The following PIK3R6 variants were observed in gnomAD, a reference collection of about 807,000 sequenced individuals.
The protein encoded by PIK3R6 is phosphoinositide 3-kinase regulatory subunit 6.
Under a neutral mutation model 84.9 loss-of-function variants are expected in PIK3R6, and 91 were observed. The observed-to-expected ratio is 1.07, with a 90% CI of 0.90 to 1.28. The LOEUF is 1.28. PIK3R6 is among the 50% of genes most tolerant of loss of function. PIK3R6 has a pLI of 0.00. For missense variants in PIK3R6, 996 were observed against 985.1 expected, an observed-to-expected ratio of 1.01 and a Z score of -0.15; for synonymous variants, 416 against 411.4, an observed-to-expected ratio of 1.01 and a Z score of -0.13.
At position 8,837,783 on chromosome 17, in the gene PIK3R6, G is replaced by A. The variant is rs761691319; in HGVS notation, c.258+20C>T. 15 of 1,606,640 alleles carry A rather than the reference G, an allele frequency of 9.3e-6. No homozygotes were observed. The African/African-American group carries it at 9.4e-5, about 10-fold the overall frequency. ...ACATGCAGGTCACCACTACCACCTCGACCTCAGTCCCCAGCTCACCTTGGT... is the reference window on the plus strand; with the variant it reads ...ACATGCAGGTCACCACTACCACCTCAACCTCAGTCCCCAGCTCACCTTGGT... On this transcript the variant is annotated intron_variant, in intron 5 of 19. Coordinates refer to ENST00000619866, the MANE Select transcript of PIK3R6 (RefSeq NM_001010855.4).
At chr17:8,858,127 TG>T (rs1567614654) in intron 1 of PIK3R6, among the ~76,000 whole-genome samples, 1 of 152,130 alleles carries the variant, frequency 6.6e-6, no homozygotes, top group Non-Finnish European at 1.5e-5. Flanking sequence ...CACACCAGTG[TG>T]GGGGAAGAGC....
At chr17:8,819,245 G>A in intron 17 of PIK3R6, 47 bp from the exon 18 acceptor site, 1 of 1,393,168 alleles carries the variant, frequency 7.2e-7, no homozygotes, top group East Asian at 2.5e-5. Flanking sequence ...GGGAAGTAGG[G>A]GAGTTTGATA....
chr17:8,819,687 T>C (rs551598153), intron 17 of PIK3R6, among the ~76,000 whole-genome samples: 49 of 140,868 alleles, frequency 3.5e-4, no homozygotes, highest in Admixed American at 5.2e-4. Context: ...TATATATATA[T>C]ATACACACAC....
intron 1 of PIK3R6, among the ~76,000 whole-genome samples, chr17:8,866,950 A>G (rs188479532): frequency 9.8e-5 from 15 of 152,292 alleles, no homozygotes; most frequent in Admixed American, 5.2e-4. Context: ...TAGGAAGAGA[A>G]TCAGCCAGAC....
At chr17:8,864,150 T>C (rs1000845847) in intron 1 of PIK3R6, among the ~76,000 whole-genome samples, 1 of 152,212 alleles carries the variant, frequency 6.6e-6, no homozygotes, top group Admixed American at 6.5e-5. Context: ...ATACTGTCCA[T>C]TCTAGGACAG....
At chr17:8,830,382 C>T (rs1291803211) in intron 9 of PIK3R6, among the ~76,000 whole-genome samples, 2 of 152,200 alleles carry the variant, frequency 1.3e-5, no homozygotes, top group African/African-American at 2.4e-5. Flanking sequence ...CAGTGGCCCG[C>T]GGTGGTCATT....
chr17:8,820,654 A>G (rs1023735270), intron 17 of PIK3R6, among the ~76,000 whole-genome samples: 1 of 152,270 alleles, frequency 6.6e-6, no homozygotes, highest in Admixed American at 6.5e-5. Context: ...TGTCATCCAC[A>G]AATTCAACTT....
chr17:8,803,655 C>T lies in PIK3R6; in HGVS notation c.2109-226G>A, dbSNP rs1441732284. On this transcript the variant is annotated intron_variant, in intron 19 of 19. Coordinates refer to ENST00000619866, the MANE Select transcript of PIK3R6 (RefSeq NM_001010855.4). This position sits in a 1 kb window ranked among gnomAD's most constrained non-coding sequence, Gnocchi z 5.0. ...GGAGCAAGTAACTCTGCGCATGCCTCCCTTACCCAAACACACCTCCCGAGG... is the reference window on the plus strand; with the variant it reads ...GGAGCAAGTAACTCTGCGCATGCCTTCCTTACCCAAACACACCTCCCGAGG... The T allele has an allele frequency of 1.8e-6, 1 of 562,606 alleles. No individual in the cohort carries two copies. The highest frequency in any genetic ancestry group is 1.9e-5 in the African/African-American group (1 of 52,906). The allele number at this position is 562,606 out of a possible 1,614,324, so 34.9% of individuals were successfully genotyped here.
chr17:8,807,867 CG>C (rs2151172564), intron 18 of PIK3R6, among the ~76,000 whole-genome samples: 1 of 152,136 alleles, frequency 6.6e-6, no homozygotes, highest in Admixed American at 6.5e-5. Flanking sequence ...AGAGTATTGC[CG>C]GGGAGACCAG....
chr17:8,829,663 C>CA, intron 10 of PIK3R6, 43 bp downstream of exon 10: 1 of 1,525,024 alleles, frequency 6.6e-7, no homozygotes, highest in African/African-American at 1.4e-5. Context: ...CACACAGACA[C>CA]AGACATATAC....
intron 13 of PIK3R6, among the ~76,000 whole-genome samples, chr17:8,825,383 T>G (rs1031624293): frequency 1.3e-5 from 2 of 152,172 alleles, no homozygotes; most frequent in African/African-American, 4.8e-5. Context: ...AAAAGAAGAA[T>G]AATAGGGTAG....
At chr17:8,847,362 G>A (rs2088836795) in intron 2 of PIK3R6, among the ~76,000 whole-genome samples, 1 of 152,156 alleles carries the variant, frequency 6.6e-6, no homozygotes, top group Non-Finnish European at 1.5e-5. Flanking sequence ...CTGTTTGCAG[G>A]CATGGCAAAA....
At chr17:8,865,741 C>A (rs1046904995) in intron 1 of PIK3R6, among the ~76,000 whole-genome samples, 1 of 151,974 alleles carries the variant, frequency 6.6e-6, no homozygotes, top group Non-Finnish European at 1.5e-5. Flanking sequence ...AGGTCTACTT[C>A]TCAGATTCCC....
intron 17 of PIK3R6, among the ~76,000 whole-genome samples, chr17:8,819,859 C>T (rs939842310): frequency 1.4e-5 from 2 of 145,514 alleles, no homozygotes; most frequent in Non-Finnish European, 3.0e-5. Context: ...TATATATAGA[C>T]ACACATATAT....
At chr17:8,852,520 A>G (rs1208830313) in intron 1 of PIK3R6, among the ~76,000 whole-genome samples, 1 of 152,140 alleles carries the variant, frequency 6.6e-6, no homozygotes, top group Non-Finnish European at 1.5e-5. Context: ...TGGGCGGATC[A>G]TGAGGTCAAG....
intron 18 of PIK3R6, among the ~76,000 whole-genome samples, chr17:8,813,994 A>G (rs2087443979): frequency 6.6e-6 from 1 of 152,214 alleles, no homozygotes; most frequent in Non-Finnish European, 1.5e-5. Flanking sequence ...AGGCATAATA[A>G]GCAGGCTTAC....
chr17:8,863,170 A>G (rs2089321148), intron 1 of PIK3R6, among the ~76,000 whole-genome samples: 2 of 152,168 alleles, frequency 1.3e-5, no homozygotes, highest in South Asian at 4.1e-4. Context: ...CAGTGTCTAG[A>G]TATAGATACA....
At chr17:8,812,529 T>A (rs1034979328) in intron 18 of PIK3R6, among the ~76,000 whole-genome samples, 10 of 152,174 alleles carry the variant, frequency 6.6e-5, no homozygotes, top group Non-Finnish European at 1.0e-4. Context: ...ATAAATTTTT[T>A]AAAAACCTGA....
intron 2 of PIK3R6, among the ~76,000 whole-genome samples, chr17:8,840,317 ATAG>A (rs1567601721): frequency 0.024 from 3,336 of 137,490 alleles, 303 homozygotes; most frequent in Non-Finnish European, 0.036. Context: ...TGAAATATAT[ATAG>A]CCTCCAAATA....
Sources: allele counts gnomAD v4.1 joint callset (sites outside exome capture counted in the v4.1 genomes callset), GRCh38; gene constraint gnomAD v4.1.1; non-coding constraint Gnocchi (gnomAD v3.1); transcripts MANE v1.5; gene names NCBI Gene and HGNC (gene_info 2026-07-23, HGNC 2026-07-21).